Variants in ADGRV1 observed in about 807,000 individuals in gnomAD.
ADGRV1 encodes the protein G-protein coupled receptor 98.
In ADGRV1, 359 loss-of-function variants were observed where a neutral mutation model predicts 596.2. That is an observed-to-expected ratio of 0.60 (90% CI 0.55 to 0.66). The LOEUF (loss-of-function observed/expected upper bound fraction) is 0.66, where lower values mean the gene tolerates loss of function less well. Ranked by LOEUF, ADGRV1 falls within the 30% of genes least tolerant of loss-of-function variation. The probability of loss-of-function intolerance (pLI) is 0.00; values close to 1 mark genes in which losing one functional copy is unlikely to be tolerated. For missense variants in ADGRV1, 7,274 were observed against 7,575.6 expected (o/e 0.96, Z 1.48); for synonymous variants, 2,681 against 2,679.2 (o/e 1.00, Z -0.02).
At chr5:90,723,702 G>A (rs934076049) in intron 45 of ADGRV1, among the ~76,000 whole-genome samples, 2 of 152,082 alleles carry the variant, frequency 1.3e-5, no homozygotes, top group Non-Finnish European at 1.5e-5. Context: ...TACATGTAAG[G>A]CATTGACAAA....
At chr5:90,749,729 T>C (rs1755032706) in intron 52 of ADGRV1, among the ~76,000 whole-genome samples, 1 of 152,184 alleles carries the variant, frequency 6.6e-6, no homozygotes, top group African/African-American at 2.4e-5. Context: ...TTTGAAGCAT[T>C]CATTTTGAGG....
chr5:90,703,522 G>C (rs1254521170), intron 34 of ADGRV1, 143 bp from the exon 35 acceptor site: 1 of 570,196 alleles, frequency 1.8e-6, no homozygotes, highest in African/African-American at 2.0e-5. Flanking sequence ...AAAGATTCTA[G>C]AAAATTCAAA....
chr5:91,150,145 C>T lies in ADGRV1; in HGVS notation c.18548C>T (p.Thr6183Met), dbSNP rs201790936. 1.8e-5 allele frequency: 29 copies of T among 1,594,358 alleles called. No homozygotes were observed. Among genetic ancestry groups the T allele is most frequent in the South Asian group, 1.2e-4 (10 of 86,686 alleles). Residue 6183 changes from threonine to methionine, a missense_variant, in exon 88 of 90, where the codon ACG becomes ATG. By Grantham distance (81) the Thr-to-Met change is moderately conservative. Transcript: ENST00000405460. Reference protein sequence around the residue: ...GHPGPSTAFFTPGSGMPPAGG... With the variant: ...GHPGPSTAFFMPGSGMPPAGG... ...CCTGGACCCAGCACAGCCTTTTTCACGCCCGGGAGTGGAATGCCTCCTGCT... is the reference window on the plus strand; with the variant it reads ...CCTGGACCCAGCACAGCCTTTTTCATGCCCGGGAGTGGAATGCCTCCTGCT...
intron 1 of ADGRV1, among the ~76,000 whole-genome samples, chr5:90,565,496 G>A (rs775590798): frequency 5.3e-5 from 8 of 152,150 alleles, no homozygotes; most frequent in Non-Finnish European, 8.8e-5. Flanking sequence ...CATCCATGTT[G>A]TACCATGTAG....
chr5:90,687,907 A>C (rs951663904), intron 29 of ADGRV1, among the ~76,000 whole-genome samples: 1 of 152,194 alleles, frequency 6.6e-6, no homozygotes, highest in Non-Finnish European at 1.5e-5. Flanking sequence ...AGAGGATACA[A>C]ACAAGTGGAA....
chr5:90,929,960 C>T (rs1050200966), intron 83 of ADGRV1, among the ~76,000 whole-genome samples: 6 of 152,030 alleles, frequency 3.9e-5, no homozygotes, highest in Admixed American at 6.5e-5. Context: ...AGTTTTTTAT[C>T]CATATTCTGT....
chr5:91,072,288 G>A (rs937248508), intron 85 of ADGRV1, among the ~76,000 whole-genome samples, 159 bp from the exon 86 acceptor site: 1 of 152,164 alleles, frequency 6.6e-6, no homozygotes, highest in African/African-American at 2.4e-5. Context: ...TTAATCAGAT[G>A]TTGTACTCAA....
At chr5:90,799,379 A>T (rs1761107071) in intron 70 of ADGRV1, among the ~76,000 whole-genome samples, 1 of 152,224 alleles carries the variant, frequency 6.6e-6, no homozygotes, top group South Asian at 2.1e-4. Context: ...AGGGATGTGA[A>T]GGACCTTTTC....
At chr5:90,918,153 A>G (rs569384869) in intron 83 of ADGRV1, among the ~76,000 whole-genome samples, 2 of 152,096 alleles carry the variant, frequency 1.3e-5, no homozygotes, top group African/African-American at 4.8e-5. Context: ...ATCAGTTTAG[A>G]GTGCTGGATC....
At chr5:91,129,518 CA>C (rs1794036581) in intron 87 of ADGRV1, among the ~76,000 whole-genome samples, 1 of 152,130 alleles carries the variant, frequency 6.6e-6, no homozygotes, top group Non-Finnish European at 1.5e-5. Flanking sequence ...GGCTCAAAAA[CA>C]ACTTCATTTC....
At chr5:91,121,558 T>G (rs770886971) in intron 87 of ADGRV1, among the ~76,000 whole-genome samples, 13 of 152,114 alleles carry the variant, frequency 8.5e-5, no homozygotes, top group Non-Finnish European at 1.6e-4. Context: ...GGGCCAGAAG[T>G]CTGGGTAACC....
At chr5:90,924,984 G>A (rs1308823002) in intron 83 of ADGRV1, among the ~76,000 whole-genome samples, 1 of 150,712 alleles carries the variant, frequency 6.6e-6, no homozygotes, top group Non-Finnish European at 1.5e-5. Flanking sequence ...CTGTTCCATT[G>A]ATCTATATCT....
At chr5:90,893,811 A>G (rs1771051213) in intron 83 of ADGRV1, among the ~76,000 whole-genome samples, 1 of 152,088 alleles carries the variant, frequency 6.6e-6, no homozygotes, top group Admixed American at 6.6e-5. Context: ...TTCAATATTT[A>G]TTTTTTCCAT....
chr5:90,726,917 A>G (rs1250670505), intron 48 of ADGRV1, among the ~76,000 whole-genome samples: 1 of 152,158 alleles, frequency 6.6e-6, no homozygotes, highest in Non-Finnish European at 1.5e-5. Context: ...GCCTATTGAC[A>G]TGTTCACTTA....
intron 84 of ADGRV1, among the ~76,000 whole-genome samples, chr5:90,979,476 T>A (rs769964074): frequency 6.6e-6 from 1 of 152,130 alleles, no homozygotes; most frequent in Non-Finnish European, 1.5e-5. Context: ...AGCCTATTTG[T>A]GTCAATTTAT....
intron 85 of ADGRV1, among the ~76,000 whole-genome samples, chr5:91,022,310 G>T (rs1343731132): frequency 6.6e-6 from 1 of 151,966 alleles, no homozygotes; most frequent in African/African-American, 2.4e-5. Flanking sequence ...CCTAGTATTT[G>T]TGCTAAATCC....
At chr5:90,968,367 G>A (rs746018978) in intron 84 of ADGRV1, among the ~76,000 whole-genome samples, 5 of 152,176 alleles carry the variant, frequency 3.3e-5, no homozygotes, top group Non-Finnish European at 5.9e-5. Context: ...AGGGGCATTA[G>A]ACAAAATCAT....
chr5:90,647,686 A>G lies in ADGRV1; in HGVS notation c.3211A>G (p.Ser1071Gly). The change falls in exon 17 of 90, where the codon AGC becomes GGC. Residue 1071 changes from serine (S) to glycine (G), a missense_variant. By Grantham distance (56) the Ser-to-Gly change is moderately conservative. Around this residue, in one of 5 missense-constraint regions of ADGRV1, gnomAD observed 1,715 missense variants for 1,708.8 expected, o/e 1.00. Transcript: ENST00000405460. ...LIFEVGSRQQSISIFVNEDGI... is the reference protein window; with the variant it reads ...LIFEVGSRQQGISIFVNEDGI... ...TTTTGAGGTTGGAAGTAGACAGCAGAGCATATCCATATTTGTTAATGAAGA... is the reference window on the plus strand; with the variant it reads ...TTTTGAGGTTGGAAGTAGACAGCAGGGCATATCCATATTTGTTAATGAAGA... The G allele has an allele frequency of 6.2e-7, 1 of 1,613,878 alleles. No homozygotes were observed. Among genetic ancestry groups the G allele is most frequent in the Non-Finnish European group, 8.5e-7 (1 of 1,179,748 alleles).
intron 85 of ADGRV1, among the ~76,000 whole-genome samples, chr5:90,994,791 C>A (rs1348699438): frequency 6.6e-6 from 1 of 152,166 alleles, no homozygotes; most frequent in African/African-American, 2.4e-5. Flanking sequence ...TCACACGTGG[C>A]CACTGACATC....
Sources: gnomAD v4.1 joint callset for allele counts (sites outside exome capture counted in the v4.1 genomes callset) on GRCh38, gnomAD v4.1.1 for gene constraint, gnomAD v4.1.1 regional missense constraint, MANE v1.5 for transcripts, NCBI Gene and HGNC (gene_info 2026-07-23, HGNC 2026-07-21) for gene names.